The following KCNAB1 variants were observed in gnomAD, a reference collection of about 807,000 sequenced individuals.
KCNAB1 encodes potassium voltage-gated channel subfamily A regulatory beta subunit 1, also known as voltage-gated potassium channel subunit beta-1.
A neutral mutation model predicts 64.6 loss-of-function variants in KCNAB1; 35 were observed. The observed-to-expected ratio is 0.54, with a 90% CI of 0.41 to 0.72. KCNAB1 has a LOEUF of 0.72. KCNAB1 is among the 30% of genes least tolerant of loss of function. The pLI is 0.00. For synonymous variants in KCNAB1, 177 were observed against 183.8 expected (o/e 0.96, Z 0.30); for missense variants, 401 against 512.9 (o/e 0.78, Z 2.11).
At chr3:156,267,471 A>G (rs1023101018) in intron 1 of KCNAB1, among the ~76,000 whole-genome samples, 13 of 152,102 alleles carry the variant, frequency 8.5e-5, no homozygotes, top group African/African-American at 2.4e-4. Flanking sequence ...TTCTGCCCCA[A>G]TTGCCTAGAG....
intron 1 of KCNAB1, among the ~76,000 whole-genome samples, chr3:156,411,814 T>C (rs562373232): frequency 6.6e-6 from 1 of 152,302 alleles, no homozygotes. Context: ...AATCAGATAG[T>C]ATGAGTCCTC....
At chr3:156,433,524 G>T (rs1716373328) in intron 2 of KCNAB1, among the ~76,000 whole-genome samples, 1 of 152,180 alleles carries the variant, frequency 6.6e-6, no homozygotes, top group Admixed American at 6.5e-5. Flanking sequence ...TTGGGAAGGA[G>T]CCAGGTCAAG....
intron 2 of KCNAB1, among the ~76,000 whole-genome samples, chr3:156,428,488 T>TACACACACACACACAC (rs4056995): frequency 0.015 from 1,920 of 127,502 alleles, 28 homozygotes; most frequent in Middle Eastern, 0.038. Flanking sequence ...AATTCCTCTA[T>TACACACACACACACAC]ACACACACAC....
intron 8 of KCNAB1, among the ~76,000 whole-genome samples, chr3:156,476,053 T>G (rs1032745889): frequency 1.3e-5 from 2 of 152,134 alleles, no homozygotes; most frequent in Non-Finnish European, 2.9e-5. Flanking sequence ...AAAGCAAAGA[T>G]TAGGTGTTTG....
chr3:156,514,422 C>G lies in KCNAB1; in HGVS notation c.717C>G (p.Thr239=). ...AAGGCATGGCGATGTACTGGGGCAC[C>G]TCGAGATGGAGTGCTATGGAGATCA... ...INQGMAMYWG[T]SRWSAMEIME... Residue 239 remains threonine (T), a synonymous_variant, in exon 9 of 14, where the codon ACC becomes ACG. Transcript: ENST00000490337. 6.2e-7 allele frequency: 1 copy of G among 1,613,852 alleles called. No homozygotes were observed. Among genetic ancestry groups the G allele is most frequent in the Non-Finnish European group, 8.5e-7 (1 of 1,179,766 alleles).
At chr3:156,291,994 C>G (rs763268221) in intron 1 of KCNAB1, 2 of 1,614,142 alleles carry the variant, frequency 1.2e-6, no homozygotes, top group Admixed American at 3.3e-5. Context: ...GCTCCACCGC[C>G]CCCAATGTGG....
chr3:156,455,402 T>C (rs1712327851), intron 3 of KCNAB1, among the ~76,000 whole-genome samples: 1 of 152,208 alleles, frequency 6.6e-6, no homozygotes. Flanking sequence ...AGGGATATTA[T>C]CAAAAGGATA....
intron 2 of KCNAB1, among the ~76,000 whole-genome samples, chr3:156,426,532 C>CTCTA (rs1385513410): frequency 1.3e-5 from 2 of 152,160 alleles, no homozygotes; most frequent in African/African-American, 4.8e-5. Context: ...GTGTTGTACA[C>CTCTA]TCTATGGGTT....
At chr3:156,121,110 C>CGGT (rs1713316374) in intron 1 of KCNAB1, among the ~76,000 whole-genome samples, 1 of 152,116 alleles carries the variant, frequency 6.6e-6, no homozygotes, top group African/African-American at 2.4e-5. Flanking sequence ...TACAAGGAGG[C>CGGT]AGTAGATGCT....
intron 1 of KCNAB1, among the ~76,000 whole-genome samples, chr3:156,284,037 G>A (rs1404650118): frequency 2.0e-5 from 3 of 152,114 alleles, no homozygotes; most frequent in Admixed American, 6.5e-5. Context: ...AGGAGGAGAG[G>A]TGCTCTGCTT....
At chr3:156,221,159 C>T (rs1331288739) in intron 1 of KCNAB1, among the ~76,000 whole-genome samples, 1 of 152,194 alleles carries the variant, frequency 6.6e-6, no homozygotes, top group African/African-American at 2.4e-5. Flanking sequence ...ATGATACCTC[C>T]AGCTTTGTTC....
chr3:156,159,141 T>C (rs1715927104), intron 1 of KCNAB1, among the ~76,000 whole-genome samples: 1 of 152,106 alleles, frequency 6.6e-6, no homozygotes, highest in Non-Finnish European at 1.5e-5. Flanking sequence ...AAATTCATGG[T>C]AGTGAAGATT....
intron 1 of KCNAB1, among the ~76,000 whole-genome samples, chr3:156,148,462 T>C (rs1379223052): frequency 2.6e-5 from 4 of 152,262 alleles, no homozygotes; most frequent in African/African-American, 9.6e-5. Flanking sequence ...AAGTAGGAAC[T>C]TTCCTTTTCC....
intron 1 of KCNAB1, among the ~76,000 whole-genome samples, chr3:156,132,610 G>A (rs1245465999): frequency 6.6e-6 from 1 of 152,188 alleles, no homozygotes; most frequent in Non-Finnish European, 1.5e-5. Flanking sequence ...GCAGGATCAG[G>A]CACATGGAAA....
At chr3:156,276,749 A>G (rs1560170146) in intron 1 of KCNAB1, among the ~76,000 whole-genome samples, 1 of 152,202 alleles carries the variant, frequency 6.6e-6, no homozygotes, top group Non-Finnish European at 1.5e-5. Flanking sequence ...TGAATTGAAA[A>G]GAATTATGGC....
chr3:156,407,317 G>C (rs1363608022), intron 1 of KCNAB1, among the ~76,000 whole-genome samples: 2 of 152,140 alleles, frequency 1.3e-5, no homozygotes, highest in Non-Finnish European at 2.9e-5. Context: ...CCTTCCTCCA[G>C]GTCCCCGCTC....
intron 11 of KCNAB1, among the ~76,000 whole-genome samples, chr3:156,516,882 A>G (rs531815000): frequency 6.6e-6 from 1 of 152,352 alleles, no homozygotes; most frequent in African/African-American, 2.4e-5. Context: ...AGACAGATAC[A>G]TAGCAAAGCT....
chr3:156,449,245 C>CT, intron 2 of KCNAB1, among the ~76,000 whole-genome samples: 1 of 152,224 alleles, frequency 6.6e-6, no homozygotes, highest in Admixed American at 6.5e-5. Context: ...TAATTCATTA[C>CT]TGCTTTGACT....
chr3:156,523,637 T>G, intron 11 of KCNAB1, 190 bp from the exon 12 acceptor site: 1 of 600,094 alleles, frequency 1.7e-6, no homozygotes. Context: ...TCAATCTGTT[T>G]TGAACCAATA....
Sources: allele counts gnomAD v4.1 joint callset (sites outside exome capture counted in the v4.1 genomes callset), GRCh38; gene constraint gnomAD v4.1.1; transcripts MANE v1.5; gene names NCBI Gene and HGNC (gene_info 2026-07-23, HGNC 2026-07-21).